RNF8: variants seen among roughly 807,000 people sequenced by gnomAD.
RNF8 encodes the protein ring finger protein 8.
A neutral mutation model predicts 59.3 loss-of-function variants in RNF8; 8 were observed. The ratio of observed to expected loss-of-function variants is 0.13; its 90% confidence interval spans 0.08 to 0.24. RNF8 has a LOEUF of 0.24. RNF8 is among the 10% of genes least tolerant of loss of function. The probability of loss-of-function intolerance (pLI) is 1.00; values close to 1 mark genes in which losing one functional copy is unlikely to be tolerated. For synonymous variants in RNF8, 162 were observed against 200.0 expected (o/e 0.81, Z 1.60); for missense variants, 406 against 572.6 (o/e 0.71, Z 2.97).
Position 37,354,242 on chromosome 6 carries a change from C to T in RNF8, c.78C>T (p.Ser26=). 1 of 1,567,522 alleles carries T rather than the reference C, an allele frequency of 6.4e-7. No individual in the cohort carries two copies. The highest frequency in any genetic ancestry group is 8.6e-7 in the Non-Finnish European group (1 of 1,158,100). Residue 26 remains serine, a synonymous_variant, in exon 1 of 8, where the codon AGC becomes AGT. Transcript: ENST00000373479. ...RSWCLRRVGM[S]AGWLLLEDGC... ...GGTGCCTGCGGCGGGTGGGGATGAG[C>T]GCCGGGTGGCTGCTGCTGGAAGATG...
chr6:37,384,131 AT>A (rs70977654), intron 7 of RNF8, among the ~76,000 whole-genome samples: 2,678 of 123,990 alleles, frequency 0.022, 14 homozygotes, highest in African/African-American at 0.031. Flanking sequence ...CCTTGCTACT[AT>A]TTTTTTTTTT....
At chr6:37,377,465 C>T (rs570858362) in intron 6 of RNF8, among the ~76,000 whole-genome samples, 1 of 152,252 alleles carries the variant, frequency 6.6e-6, no homozygotes, top group Non-Finnish European at 1.5e-5. Context: ...AGATTTTCTT[C>T]CAGGAACTTA....
intron 6 of RNF8, among the ~76,000 whole-genome samples, chr6:37,380,166 T>C (rs1444068299): frequency 6.6e-5 from 10 of 152,136 alleles, no homozygotes. Context: ...GTCCACCTTC[T>C]TCAGCTCCCC....
rs1407907351 is a variant in RNF8 at position 37,392,925 on chromosome 6, A to C, written c.*2167A>C. 3.6e-6 allele frequency: 1 copy of C among 278,824 alleles called. No individual in the cohort carries two copies. The allele number at this position is 278,824 out of a possible 1,614,324, so 17.3% of individuals were successfully genotyped here. On this transcript the variant is annotated 3_prime_UTR_variant, in exon 8 of 8. Transcript: ENST00000373479. ...CACCTTGGCCTCCCAAAGTGCTGAG[A>C]TTACAGGCATGAGCCATTGCACCTG...
intron 7 of RNF8, among the ~76,000 whole-genome samples, chr6:37,385,192 T>C (rs1256867631): frequency 6.6e-6 from 1 of 151,724 alleles, no homozygotes; most frequent in African/African-American, 2.4e-5. Context: ...TTTGTATTTT[T>C]AGTAGAGATG....
chr6:37,386,616 A>G (rs985124017), intron 7 of RNF8, among the ~76,000 whole-genome samples: 14 of 152,204 alleles, frequency 9.2e-5, no homozygotes, highest in Middle Eastern at 3.2e-3. Flanking sequence ...GAGGAGTCCA[A>G]TGCAGGAGAG....
chr6:37,386,891 G>A (rs1435723452), intron 7 of RNF8, among the ~76,000 whole-genome samples: 2 of 152,108 alleles, frequency 1.3e-5, no homozygotes, highest in Non-Finnish European at 2.9e-5. Context: ...GATTTTTAGT[G>A]ATAACACAGT....
chr6:37,367,105 G>A (rs749874232), intron 2 of RNF8, among the ~76,000 whole-genome samples: 1 of 152,202 alleles, frequency 6.6e-6, no homozygotes, highest in Non-Finnish European at 1.5e-5. Flanking sequence ...TGATGAATCA[G>A]TTGAACCAAG....
chr6:37,361,427 G>A, intron 2 of RNF8: 1 of 450,472 alleles, frequency 2.2e-6, no homozygotes, highest in Non-Finnish European at 4.5e-6. Flanking sequence ...CAAAGGGATT[G>A]CACCTGTGAA....
chr6:37,367,767 T>C (rs1224651867), intron 2 of RNF8, among the ~76,000 whole-genome samples: 1 of 152,226 alleles, frequency 6.6e-6, no homozygotes, highest in Non-Finnish European at 1.5e-5. Flanking sequence ...ACATGCATTA[T>C]CTTATTCATT....
intron 1 of RNF8, among the ~76,000 whole-genome samples, chr6:37,358,278 A>AT (rs1180617258): frequency 6.6e-6 from 1 of 152,228 alleles, no homozygotes; most frequent in Non-Finnish European, 1.5e-5. Context: ...GGCTCAGGAC[A>AT]TTCAGGGTCT....
rs994445682 is a variant in RNF8, at chr6:37,386,386, G to A, written c.1442-4356G>A. On this transcript the variant is annotated intron_variant, in intron 7 of 7. Coordinates refer to ENST00000373479, the MANE Select transcript of RNF8 (RefSeq NM_003958.4). ...CTGTTCTGTGCATTTGTGCTCTGTGGTAGAGTGTCTTCTCCCTTTCACCAA... is the reference window on the plus strand; with the variant it reads ...CTGTTCTGTGCATTTGTGCTCTGTGATAGAGTGTCTTCTCCCTTTCACCAA... 1.5e-4 allele frequency among the ~76,000 whole-genome samples: 23 copies of A among 152,270 alleles called. 1 individual carries two copies. The highest frequency in any genetic ancestry group is 1.5e-3 in the Admixed American group (23 of 15,298).
At chr6:37,362,907 C>T (rs1043165910) in intron 2 of RNF8, among the ~76,000 whole-genome samples, 1 of 152,204 alleles carries the variant, frequency 6.6e-6, no homozygotes, top group African/African-American at 2.4e-5. Context: ...ACAGCTAAGT[C>T]TGCACACAGT....
chr6:37,372,798 T>C (rs551488096), intron 4 of RNF8, among the ~76,000 whole-genome samples: 1 of 152,296 alleles, frequency 6.6e-6, no homozygotes, highest in African/African-American at 2.4e-5. Context: ...GGAGAAACCC[T>C]GTCTCTACTA....
At chr6:37,355,045 C>T (rs1389913352) in intron 1 of RNF8, among the ~76,000 whole-genome samples, 1 of 152,164 alleles carries the variant, frequency 6.6e-6, no homozygotes, top group Non-Finnish European at 1.5e-5. Context: ...GAGTTCTCTC[C>T]AGAGGCTGCC....
intron 3 of RNF8, among the ~76,000 whole-genome samples, chr6:37,369,616 C>A (rs771267862): frequency 6.6e-6 from 1 of 152,236 alleles, no homozygotes; most frequent in Non-Finnish European, 1.5e-5. Flanking sequence ...ACTTGTGTAT[C>A]TTTGCTCTGT....
chr6:37,369,612 G>A (rs1320988297), intron 3 of RNF8, among the ~76,000 whole-genome samples: 2 of 152,246 alleles, frequency 1.3e-5, no homozygotes, highest in Non-Finnish European at 2.9e-5. Flanking sequence ...CAAGACTTGT[G>A]TATCTTTGCT....
chr6:37,357,156 A>T (rs1769151213), intron 1 of RNF8, among the ~76,000 whole-genome samples: 1 of 152,238 alleles, frequency 6.6e-6, no homozygotes, highest in Non-Finnish European at 1.5e-5. Flanking sequence ...GTAAGCTCAA[A>T]GGCTTGCAAA....
intron 6 of RNF8, among the ~76,000 whole-genome samples, chr6:37,377,735 C>T (rs907726458): frequency 1.3e-5 from 2 of 152,070 alleles, no homozygotes; most frequent in Non-Finnish European, 2.9e-5. Flanking sequence ...GGCACTATGC[C>T]GAGAATATGC....
Sources: gnomAD v4.1 joint callset for allele counts (sites outside exome capture counted in the v4.1 genomes callset) on GRCh38, gnomAD v4.1.1 for gene constraint, MANE v1.5 for transcripts, NCBI Gene and HGNC (gene_info 2026-07-23, HGNC 2026-07-21) for gene names.